AGPS: variants seen among roughly 807,000 people sequenced by gnomAD.
AGPS encodes alkylglycerone phosphate synthase, also known as alkyldihydroxyacetonephosphate synthase, peroxisomal.
A neutral mutation model predicts 90.7 loss-of-function variants in AGPS; 26 were observed. The observed-to-expected ratio is 0.29, with a 90% confidence interval of 0.21 to 0.40. AGPS has a LOEUF of 0.40. Among genes scored for constraint, AGPS ranks in the 10% least tolerant of loss-of-function variants. The pLI, the probability that AGPS is intolerant of heterozygous loss-of-function variation, is 1.00. For missense variants in AGPS, 540 were observed against 816.1 expected (o/e 0.66, Z 4.12); for synonymous variants, 294 against 285.3 (o/e 1.03, Z -0.31).
chr2:177,517,116 G>C (rs912056196), intron 17 of AGPS, among the ~76,000 whole-genome samples: 1 of 151,932 alleles, frequency 6.6e-6, no homozygotes, highest in African/African-American at 2.4e-5. Flanking sequence ...TGCTCCTTCT[G>C]TTAAATTAAA....
intron 10 of AGPS, among the ~76,000 whole-genome samples, chr2:177,481,792 C>A (rs1450653972): frequency 1.3e-5 from 2 of 151,734 alleles, no homozygotes; most frequent in African/African-American, 4.8e-5. Context: ...TTAAAAGTAA[C>A]CTTCTTGGAG....
chr2:177,408,935 G>A lies in AGPS; in HGVS notation c.261-11334G>A, dbSNP rs140484298. On this transcript the variant is annotated intron_variant, in intron 1 of 19. Coordinates refer to ENST00000264167, the MANE Select transcript of AGPS (RefSeq NM_003659.4). ...TGAGGGTGCTAGAAATTGTAATCATGGGCTGGGTCTAGGGTGGCATCCAAG... is the reference window on the plus strand; with the variant it reads ...TGAGGGTGCTAGAAATTGTAATCATAGGCTGGGTCTAGGGTGGCATCCAAG... Among the ~76,000 whole-genome samples, 112 of 152,288 alleles carry A rather than the reference G, an allele frequency of 7.4e-4. 2 individuals are homozygous for A. The East Asian group carries it at 0.017, about 23-fold the overall frequency.
chr2:177,475,670 C>T (rs1381861034), intron 10 of AGPS, among the ~76,000 whole-genome samples: 6 of 152,146 alleles, frequency 3.9e-5, no homozygotes, highest in Non-Finnish European at 8.8e-5. Context: ...TATTCCACCG[C>T]ATGCATATTC....
At chr2:177,490,461 TTAAAA>T (rs1688220745) in intron 11 of AGPS, among the ~76,000 whole-genome samples, 1 of 152,214 alleles carries the variant, frequency 6.6e-6, no homozygotes, top group Non-Finnish European at 1.5e-5. Context: ...AAAGTCCATG[TTAAAA>T]TAATTTAATA....
intron 14 of AGPS, among the ~76,000 whole-genome samples, chr2:177,502,245 G>C (rs1268920608): frequency 1.9e-5 from 1 of 53,810 alleles, no homozygotes; most frequent in Non-Finnish European, 3.9e-5. Flanking sequence ...TCCGTTTGAG[G>C]TCTCATTTTT....
chr2:177,522,093 G>C (rs983802850), intron 18 of AGPS, among the ~76,000 whole-genome samples: 12 of 151,700 alleles, frequency 7.9e-5, no homozygotes, highest in African/African-American at 2.9e-4. Context: ...TTTTTAAGCA[G>C]CTTTTTTGAA....
rs546461998 is a variant in AGPS at position 177,457,534 on chromosome 2, A to G, written c.871-4359A>G. Among the ~76,000 whole-genome samples, 124 of 152,360 alleles carry G rather than the reference A, an allele frequency of 8.1e-4. 1 individual carries two copies. The highest frequency in any genetic ancestry group is 2.8e-3 in the African/African-American group (118 of 41,598). ...TGATCCCACAGAAATACAAACTACCATCAGAGAATACTATAAATGCCTCTA... is the reference window on the plus strand; with the variant it reads ...TGATCCCACAGAAATACAAACTACCGTCAGAGAATACTATAAATGCCTCTA... On this transcript the variant is annotated intron_variant, in intron 8 of 19. Coordinates refer to ENST00000264167, the MANE Select transcript of AGPS (RefSeq NM_003659.4).
Position 177,461,984 on chromosome 2 carries a change from TGAA to T in AGPS, c.969_971del (p.Lys323del), listed in dbSNP as rs1390890779. On this transcript the variant is annotated inframe_deletion, in exon 9 of 20. Transcript: ENST00000264167. The stretch of plus-strand genomic sequence containing the variant: ...TGGGTATCTACTCGCGCATCAGGCA[TGAA>T]GAAGAATATCTATGGCAATATCGAG... 1.2e-6 allele frequency: 2 copies of T among 1,612,122 alleles called. No individual in the cohort carries two copies. The highest frequency in any genetic ancestry group is 1.7e-5 in the Admixed American group (1 of 59,976).
chr2:177,477,042 G>A (rs1440719994), intron 10 of AGPS, among the ~76,000 whole-genome samples: 1 of 151,964 alleles, frequency 6.6e-6, no homozygotes, highest in African/African-American at 2.4e-5. Context: ...TGAATTTAAA[G>A]TGTAGATTCT....
intron 7 of AGPS, among the ~76,000 whole-genome samples, chr2:177,444,206 AGGCCAGGAGTTCTAGACCAGCCT>A (rs1319299225): frequency 7.9e-5 from 12 of 152,144 alleles, no homozygotes; most frequent in Non-Finnish European, 1.5e-4. Flanking sequence ...AGATCATCTG[AGGCCAGGAGTTCTAGACCAGCCT>A]GGCCAATGTG....
intron 16 of AGPS, among the ~76,000 whole-genome samples, chr2:177,510,949 T>C (rs1290023012): frequency 6.6e-6 from 1 of 152,192 alleles, no homozygotes; most frequent in Non-Finnish European, 1.5e-5. Flanking sequence ...TCCCATCCTA[T>C]TGTGTTCCAT....
chr2:177,485,630 T>C (rs1259929779), intron 11 of AGPS, among the ~76,000 whole-genome samples: 1 of 152,142 alleles, frequency 6.6e-6, no homozygotes, highest in East Asian at 1.9e-4. Context: ...CACAAAACTA[T>C]AGTGAGCCAG....
intron 14 of AGPS, among the ~76,000 whole-genome samples, chr2:177,500,031 CATG>C (rs1276232304): frequency 1.3e-5 from 2 of 151,762 alleles, no homozygotes; most frequent in South Asian, 4.2e-4. Context: ...ATGTCAATTT[CATG>C]ATATTTGTTC....
At chr2:177,418,894 A>G (rs1484498911) in intron 1 of AGPS, among the ~76,000 whole-genome samples, 5 of 151,946 alleles carry the variant, frequency 3.3e-5, no homozygotes, top group Non-Finnish European at 7.4e-5. Context: ...GCTCCGTTCC[A>G]AAATCTCTCT....
chr2:177,517,630 T>C (rs1424524320), intron 17 of AGPS, among the ~76,000 whole-genome samples: 1 of 152,146 alleles, frequency 6.6e-6, no homozygotes, highest in Non-Finnish European at 1.5e-5. Flanking sequence ...TGGAAAAACA[T>C]TTACATTGCT....
At chr2:177,412,150 G>C (rs1439055490) in intron 1 of AGPS, among the ~76,000 whole-genome samples, 1 of 152,180 alleles carries the variant, frequency 6.6e-6, no homozygotes, top group Non-Finnish European at 1.5e-5. Context: ...GAAAGGAAAT[G>C]AAAGTCTGAA....
chr2:177,490,871 T>TTTTTA (rs1553516095), intron 11 of AGPS, among the ~76,000 whole-genome samples: 2 of 135,148 alleles, frequency 1.5e-5, no homozygotes, highest in African/African-American at 5.4e-5. Context: ...TTTTTTTTTT[T>TTTTTA]AAAGACAGAG....
rs1348849 is a variant in AGPS at position 177,493,344 on chromosome 2, C to T, written c.1285+145C>T. 0.72 allele frequency: 539,748 copies of T among 752,254 alleles called. 195,352 individuals are homozygous for T. Among genetic ancestry groups the T allele is most frequent in the Admixed American group, 0.81 (40,420 of 49,912 alleles). The allele number at this position is 752,254 out of a possible 1,614,324, so 46.6% of individuals were successfully genotyped here. A position where few individuals can be genotyped will look rare whatever the true frequency, so the allele number is the denominator to read the frequency against. On this transcript the variant is annotated intron_variant, in intron 12 of 19. Transcript: ENST00000264167. ...TCAGTCTAATGAAGATAGACAATTA[C>T]ATAAATGAGTGAGGGTAGCAGTGTT...
chr2:177,427,556 T>G (rs1156718784), intron 2 of AGPS, among the ~76,000 whole-genome samples: 1 of 152,146 alleles, frequency 6.6e-6, no homozygotes, highest in African/African-American at 2.4e-5. Context: ...TTTCTTTGTT[T>G]TCATTAGTTT....
Sources: gnomAD v4.1 joint callset for allele counts (sites outside exome capture counted in the v4.1 genomes callset) on GRCh38, gnomAD v4.1.1 for gene constraint, MANE v1.5 for transcripts, NCBI Gene and HGNC (gene_info 2026-07-23, HGNC 2026-07-21) for gene names.